The following NCOA1 variants were observed in gnomAD, a reference collection of about 807,000 sequenced individuals.
NCOA1 encodes the protein nuclear receptor coactivator 1, also known as Hin-2 protein.
In NCOA1, 35 loss-of-function variants were observed where a neutral mutation model predicts 150.9. That is an observed-to-expected ratio of 0.23 (90% confidence interval 0.18 to 0.31). The LOEUF (loss-of-function observed/expected upper bound fraction) is 0.31, where lower values mean the gene tolerates loss of function less well. Among genes scored for constraint, NCOA1 ranks in the 10% least tolerant of loss-of-function variants. The pLI, the probability that NCOA1 is intolerant of heterozygous loss-of-function variation, is 1.00. For synonymous variants in NCOA1, 590 were observed against 630.0 expected (o/e 0.94, Z 0.95); for missense variants, 1,491 against 1,749.3 (o/e 0.85, Z 2.63).
intron 1 of NCOA1, among the ~76,000 whole-genome samples, chr2:24,516,319 A>G (rs533604424): frequency 2.0e-5 from 3 of 149,162 alleles, no homozygotes; most frequent in African/African-American, 7.4e-5. Flanking sequence ...CAGCCTCCCG[A>G]GTAGCTGGGA....
At chr2:24,642,838 C>T (rs1234872773) in intron 3 of NCOA1, among the ~76,000 whole-genome samples, 1 of 152,082 alleles carries the variant, frequency 6.6e-6, no homozygotes, top group African/African-American at 2.4e-5. Flanking sequence ...ATCTCAAGGG[C>T]ATTATGCTGA....
intron 3 of NCOA1, among the ~76,000 whole-genome samples, chr2:24,593,497 T>G (rs1255320492): frequency 1.3e-5 from 2 of 152,108 alleles, no homozygotes; most frequent in African/African-American, 4.8e-5. Flanking sequence ...ACATTGAATG[T>G]TTATTTTTTT....
intron 7 of NCOA1, among the ~76,000 whole-genome samples, chr2:24,681,063 TAAA>T (rs70947836): frequency 6.9e-6 from 1 of 144,694 alleles, no homozygotes. Flanking sequence ...CATTTTCACA[TAAA>T]AAAAAAAAAA....
intron 3 of NCOA1, among the ~76,000 whole-genome samples, chr2:24,615,204 T>C (rs1393127331): frequency 6.6e-6 from 1 of 152,184 alleles, no homozygotes. Context: ...AATTATGTAT[T>C]TATGTTGATT....
At chr2:24,741,549 A>T (rs1396106741) in intron 18 of NCOA1, among the ~76,000 whole-genome samples, 1 of 152,172 alleles carries the variant, frequency 6.6e-6, no homozygotes, top group Non-Finnish European at 1.5e-5. Flanking sequence ...TAATGGTCAG[A>T]TATTGTTTAG....
intron 4 of NCOA1, among the ~76,000 whole-genome samples, chr2:24,650,861 A>G (rs7559082): frequency 0.19 from 29,094 of 152,052 alleles, 2,947 homozygotes; most frequent in Non-Finnish European, 0.23. Context: ...TTGGATTTTT[A>G]TGGATTTTAG....
At chr2:24,527,353 TTC>T (rs954320194) in intron 1 of NCOA1, among the ~76,000 whole-genome samples, 3 of 152,156 alleles carry the variant, frequency 2.0e-5, no homozygotes, top group Non-Finnish European at 4.4e-5. Flanking sequence ...GACTGTTTTA[TTC>T]TCTCTCTCTG....
chr2:24,526,361 C>T (rs535022021), intron 1 of NCOA1, among the ~76,000 whole-genome samples: 1 of 151,984 alleles, frequency 6.6e-6, no homozygotes, highest in South Asian at 2.1e-4. Flanking sequence ...TACTGTTCCT[C>T]TTTCCTCTCT....
chr2:24,656,087 C>CAAAAAA (rs58446937), intron 4 of NCOA1, among the ~76,000 whole-genome samples: 1 of 62,080 alleles, frequency 1.6e-5, no homozygotes, highest in Non-Finnish European at 3.6e-5. Context: ...GACTCCGTCT[C>CAAAAAA]AAAAAAAAAA....
At chr2:24,734,177 C>CA (rs933051944) in intron 17 of NCOA1, among the ~76,000 whole-genome samples, 830 of 67,700 alleles carry the variant, frequency 0.012, 9 homozygotes, top group African/African-American at 0.029. Context: ...AACTCCATCT[C>CA]AAAAAAAAAA....
At chr2:24,750,724 A>G (rs1353303930) in intron 19 of NCOA1, among the ~76,000 whole-genome samples, 1 of 152,168 alleles carries the variant, frequency 6.6e-6, no homozygotes, top group Non-Finnish European at 1.5e-5. Context: ...AATTTGGGGA[A>G]TGATTAGGTG....
intron 1 of NCOA1, among the ~76,000 whole-genome samples, chr2:24,552,037 T>A (rs1299379866): frequency 1.3e-5 from 2 of 152,074 alleles, no homozygotes; most frequent in Non-Finnish European, 2.9e-5. Flanking sequence ...TCACAATGTC[T>A]TAATTGCTGT....
chr2:24,659,021 C>T (rs893255066), intron 5 of NCOA1: 1 of 386,046 alleles, frequency 2.6e-6, no homozygotes, highest in Non-Finnish European at 4.8e-6. Context: ...TTAAAGAGAG[C>T]CTTCTCTTCC....
At chr2:24,614,230 T>TTTTTTTTTTTTTTTTTTTTTC (rs1668771602) in intron 3 of NCOA1, among the ~76,000 whole-genome samples, 1 of 128,972 alleles carries the variant, frequency 7.8e-6, no homozygotes, top group Non-Finnish European at 1.7e-5. Context: ...TTTTTTTTTT[T>TTTTTTTTTTTTTTTTTTTTTC]TGCTATGGGG....
intron 20 of NCOA1, among the ~76,000 whole-genome samples, 154 bp downstream of exon 20, chr2:24,752,310 T>A (rs1572684314): frequency 6.6e-6 from 1 of 152,262 alleles, no homozygotes; most frequent in African/African-American, 2.4e-5. Flanking sequence ...ATATGACGTT[T>A]CCCCGTTCCC....
intron 1 of NCOA1, among the ~76,000 whole-genome samples, chr2:24,530,879 A>T (rs945367290): frequency 2.0e-5 from 3 of 152,198 alleles, no homozygotes; most frequent in African/African-American, 7.2e-5. Context: ...CCAAAGTCTT[A>T]TGGAGATTTC....
chr2:24,753,625 C>T (rs959307847), intron 20 of NCOA1, among the ~76,000 whole-genome samples: 1 of 152,170 alleles, frequency 6.6e-6, no homozygotes, highest in Non-Finnish European at 1.5e-5. Context: ...TGAAGCTCTT[C>T]ATTTGGTTTC....
intron 1 of NCOA1, among the ~76,000 whole-genome samples, chr2:24,527,864 T>C (rs1271105232): frequency 1.3e-5 from 2 of 152,210 alleles, no homozygotes; most frequent in African/African-American, 4.8e-5. Flanking sequence ...GCTATCCTAA[T>C]TGGTTTAAGG....
chr2:24,570,312 A>G (rs1299335362), intron 2 of NCOA1, among the ~76,000 whole-genome samples: 1 of 152,202 alleles, frequency 6.6e-6, no homozygotes, highest in Admixed American at 6.5e-5. Flanking sequence ...AAGTTATCAA[A>G]CACTAATAGG....
Sources: gnomAD v4.1 joint callset for allele counts (sites outside exome capture counted in the v4.1 genomes callset) on GRCh38, gnomAD v4.1.1 for gene constraint, MANE v1.5 for transcripts, NCBI Gene and HGNC (gene_info 2026-07-23, HGNC 2026-07-21) for gene names.